Variants in MARCHF7 observed in about 807,000 individuals in gnomAD.
The protein encoded by MARCHF7 is membrane associated ring-CH-type finger 7, also known as E3 ubiquitin-protein ligase MARCHF7.
A neutral mutation model predicts 76.5 loss-of-function variants in MARCHF7; 20 were observed. The observed-to-expected ratio is 0.26, with a 90% CI of 0.18 to 0.38. The LOEUF (loss-of-function observed/expected upper bound fraction) is 0.38. Among genes scored for constraint, MARCHF7 ranks in the 10% least tolerant of loss-of-function variants. The pLI, the probability that MARCHF7 is intolerant of heterozygous loss-of-function variation, is 1.00. For synonymous variants in MARCHF7, 295 were observed against 293.0 expected, an observed-to-expected ratio of 1.01 and a Z score of -0.07; for missense variants, 797 against 812.9, an observed-to-expected ratio of 0.98 and a Z score of 0.24.
chr2:159,745,507 T>G (rs1478032805), intron 5 of MARCHF7, among the ~76,000 whole-genome samples: 1 of 152,008 alleles, frequency 6.6e-6, no homozygotes, highest in East Asian at 1.9e-4. Flanking sequence ...ATACAAAAAT[T>G]AGCCGGGCAT....
intron 7 of MARCHF7, among the ~76,000 whole-genome samples, chr2:159,749,744 G>A (rs537431972): frequency 6.7e-6 from 1 of 149,434 alleles, no homozygotes; most frequent in African/African-American, 2.5e-5. Context: ...GGGCGGGGGG[G>A]GCGGTTGTGA....
intron 3 of MARCHF7, among the ~76,000 whole-genome samples, chr2:159,720,340 G>T (rs1465534025): frequency 6.6e-6 from 1 of 152,182 alleles, no homozygotes; most frequent in Non-Finnish European, 1.5e-5. Flanking sequence ...GATTTCTGAA[G>T]AGTCTAGGCC....
In MARCHF7 at chr2:159,738,441, C is replaced by T. The variant is rs1171343156; in HGVS notation, c.154-4620C>T. 6.6e-5 allele frequency among the ~76,000 whole-genome samples: 10 copies of T among 152,120 alleles called. 1 individual carries two copies. The highest frequency in any genetic ancestry group is 6.5e-4 in the Admixed American group (10 of 15,276). ...CCCACCATTTGGCGGGTCCCGAGTT[C>T]TTGTCCCACGTCCAGAGAGAATGAG... On this transcript the variant is annotated intron_variant, in intron 4 of 11. Transcript: ENST00000409175.
chr2:159,752,667 T>C (rs1705793495), intron 8 of MARCHF7, 96 bp downstream of exon 8: 1 of 1,114,656 alleles, frequency 9.0e-7, no homozygotes. Flanking sequence ...AATTTAGACT[T>C]TTAACAAGTG....
chr2:159,758,644 A>T (rs1706625291), intron 8 of MARCHF7, among the ~76,000 whole-genome samples: 1 of 152,220 alleles, frequency 6.6e-6, no homozygotes, highest in Non-Finnish European at 1.5e-5. Context: ...ATGTTTTTAA[A>T]GTTCATGTTG....
At chr2:159,713,709 T>G (rs796441696) in intron 1 of MARCHF7, among the ~76,000 whole-genome samples, 8 of 152,326 alleles carry the variant, frequency 5.3e-5, no homozygotes, top group African/African-American at 1.9e-4. Context: ...AATATTTTTA[T>G]TTAACAGCTC....
intron 4 of MARCHF7, among the ~76,000 whole-genome samples, chr2:159,730,720 ATTGTC>A (rs1163459529): frequency 1.3e-5 from 2 of 152,268 alleles, no homozygotes; most frequent in South Asian, 2.1e-4. Flanking sequence ...GTTTTCCTGT[ATTGTC>A]TTCATAAAAT....
At chr2:159,714,772 C>T (rs1209642652) in intron 2 of MARCHF7, among the ~76,000 whole-genome samples, 174 bp downstream of exon 2, 1 of 151,936 alleles carries the variant, frequency 6.6e-6, no homozygotes, top group Non-Finnish European at 1.5e-5. Context: ...CATGGTGGTG[C>T]GGGTGTAGTG....
At chr2:159,739,115 G>A (rs1703819670) in intron 4 of MARCHF7, among the ~76,000 whole-genome samples, 2 of 152,212 alleles carry the variant, frequency 1.3e-5, no homozygotes, top group Non-Finnish European at 2.9e-5. Flanking sequence ...AGGCGGGGGC[G>A]GGAAGGGAGG....
chr2:159,725,165 T>C (rs527968083), intron 3 of MARCHF7, among the ~76,000 whole-genome samples: 11 of 152,288 alleles, frequency 7.2e-5, no homozygotes, highest in African/African-American at 2.6e-4. Context: ...GTCTTTATAG[T>C]AGCATGATTT....
At chr2:159,723,581 T>G (rs1362474804) in intron 3 of MARCHF7, among the ~76,000 whole-genome samples, 6 of 152,216 alleles carry the variant, frequency 3.9e-5, no homozygotes, top group Admixed American at 6.5e-5. Flanking sequence ...CTTTCATTTT[T>G]CTAAACAGTG....
chr2:159,753,675 T>G (rs1403411996), intron 8 of MARCHF7, among the ~76,000 whole-genome samples: 1 of 152,232 alleles, frequency 6.6e-6, no homozygotes, highest in African/African-American at 2.4e-5. Flanking sequence ...TGAAATGATC[T>G]TATTAATATT....
chr2:159,753,446 C>G (rs1330311473), intron 8 of MARCHF7, among the ~76,000 whole-genome samples: 1 of 151,892 alleles, frequency 6.6e-6, no homozygotes, highest in African/African-American at 2.4e-5. Context: ...TGGCGGGCGC[C>G]TGTAGTCCCA....
At chr2:159,742,683 C>G (rs957753429) in intron 4 of MARCHF7, among the ~76,000 whole-genome samples, 2 of 152,228 alleles carry the variant, frequency 1.3e-5, no homozygotes, top group East Asian at 3.9e-4. Context: ...CACAGAGGCT[C>G]GTGCCTGTAA....
chr2:159,726,972 C>G (rs959105109), intron 3 of MARCHF7, among the ~76,000 whole-genome samples: 2 of 152,158 alleles, frequency 1.3e-5, no homozygotes, highest in Admixed American at 1.3e-4. Context: ...ATAGGTTATA[C>G]TATATAATCC....
In MARCHF7 at chr2:159,748,791, A is replaced by G. The variant is rs375480374; in HGVS notation, c.1501A>G (p.Met501Val). The G allele has an allele frequency of 6.8e-6, 11 of 1,614,086 alleles. No individual in the cohort carries two copies. The highest frequency in any genetic ancestry group is 3.3e-5 in the South Asian group (3 of 91,092). The change falls in exon 7 of 12, where the codon ATG (methionine) becomes GTG (valine). Residue 501 changes from methionine (M) to valine (V), a missense_variant. Transcript: ENST00000409175. ...TGGGAGTAATTTGACCGACAATGTC[A>G]TGATCACAGTAGATATTATTCCTTC... ...ALGSNLTDNV[M>V]ITVDIIPSGW...
intron 5 of MARCHF7, 78 bp from the exon 6 acceptor site, chr2:159,745,692 C>G (rs1704778929): frequency 1.1e-6 from 1 of 902,608 alleles, no homozygotes; most frequent in South Asian, 1.8e-5. Context: ...ACTAACTTTC[C>G]TCTCTATTAC....
chr2:159,746,063 TTAATA>T (rs1181498735), intron 6 of MARCHF7, 126 bp downstream of exon 6: 44 of 662,666 alleles, frequency 6.6e-5, no homozygotes, highest in Middle Eastern at 4.3e-4. Flanking sequence ...TCAGAATACC[TTAATA>T]TTTTTTTCTA....
At chr2:159,764,255 T>TGTGCGCGC (rs10592175) in intron 10 of MARCHF7, among the ~76,000 whole-genome samples, 56 of 131,470 alleles carry the variant, frequency 4.3e-4, no homozygotes, top group East Asian at 2.3e-3. Flanking sequence ...TGTGTGTGTG[T>TGTGCGCGC]GCGCGCGCCC....
Sources: gnomAD v4.1 joint callset for allele counts (sites outside exome capture counted in the v4.1 genomes callset) on GRCh38, gnomAD v4.1.1 for gene constraint, MANE v1.5 for transcripts, NCBI Gene and HGNC (gene_info 2026-07-23, HGNC 2026-07-21) for gene names.